SMG6: variants seen among roughly 807,000 people sequenced by gnomAD.
SMG6 encodes telomerase-binding protein EST1A.
In SMG6, 66 loss-of-function variants were observed where a neutral mutation model predicts 142.2. That is an observed-to-expected ratio of 0.46 (90% CI 0.38 to 0.57). SMG6 has a LOEUF of 0.57. SMG6 is among the 20% of genes least tolerant of loss of function. The pLI, the probability that SMG6 is intolerant of heterozygous loss-of-function variation, is 0.00. For missense variants in SMG6, 1,793 were observed against 1,832.0 expected (o/e 0.98, Z 0.39); for synonymous variants, 779 against 702.4 (o/e 1.11, Z -1.72).
chr17:2,281,437 T>G (rs1380568624), intron 8 of SMG6, among the ~76,000 whole-genome samples: 1 of 152,170 alleles, frequency 6.6e-6, no homozygotes, highest in African/African-American at 2.4e-5. Context: ...CCTTGACTCT[T>G]TCTTCTCCCT....
chr17:2,269,917 G>A (rs2074509887), intron 8 of SMG6, among the ~76,000 whole-genome samples: 2 of 151,986 alleles, frequency 1.3e-5, no homozygotes, highest in Admixed American at 1.3e-4. Flanking sequence ...TAATCCTAGT[G>A]CTTTGGGAGG....
intron 8 of SMG6, among the ~76,000 whole-genome samples, chr17:2,274,516 T>C (rs965705067): frequency 6.6e-6 from 1 of 152,014 alleles, no homozygotes; most frequent in Non-Finnish European, 1.5e-5. Flanking sequence ...GTAAACAAAA[T>C]CATTTGTTGG....
At chr17:2,254,183 G>A (rs575421434) in intron 8 of SMG6, among the ~76,000 whole-genome samples, 4 of 152,320 alleles carry the variant, frequency 2.6e-5, no homozygotes, top group African/African-American at 9.6e-5. Flanking sequence ...GAACTCTCAT[G>A]CCCATCCACC....
chr17:2,086,438 GT>G (rs2068563099), intron 13 of SMG6, among the ~76,000 whole-genome samples: 1 of 152,176 alleles, frequency 6.6e-6, no homozygotes, highest in South Asian at 2.1e-4. Flanking sequence ...CCCCTGACAG[GT>G]TCCTGCCCTA....
intron 6 of SMG6, among the ~76,000 whole-genome samples, chr17:2,286,035 C>T (rs1429858623): frequency 6.6e-6 from 1 of 151,970 alleles, no homozygotes; most frequent in Non-Finnish European, 1.5e-5. Flanking sequence ...ATTCCTTTTG[C>T]AAAAGCATCA....
At chr17:2,208,121 C>G (rs982263334) in intron 10 of SMG6, among the ~76,000 whole-genome samples, 3 of 151,918 alleles carry the variant, frequency 2.0e-5, no homozygotes, top group African/African-American at 7.3e-5. Context: ...AGAGGGAGAC[C>G]GTGTCTCTCT....
chr17:2,120,714 C>G (rs77875220), intron 13 of SMG6, among the ~76,000 whole-genome samples: 1 of 152,020 alleles, frequency 6.6e-6, no homozygotes, highest in East Asian at 1.9e-4. Flanking sequence ...TAGAGCAAGA[C>G]CCTGTCTGAA....
intron 10 of SMG6, among the ~76,000 whole-genome samples, chr17:2,190,969 A>G (rs946269148): frequency 6.6e-6 from 1 of 152,184 alleles, no homozygotes; most frequent in Non-Finnish European, 1.5e-5. Flanking sequence ...CTGACTGGCC[A>G]TGTTACCTAG....
At chr17:2,242,356 C>CAAAAAAAAAAAAA (rs57062488) in intron 9 of SMG6, among the ~76,000 whole-genome samples, 1 of 73,512 alleles carries the variant, frequency 1.4e-5, no homozygotes. Context: ...ACTGAAGATA[C>CAAAAAAAAAAAAA]AAAAAAAAAA....
intron 13 of SMG6, among the ~76,000 whole-genome samples, chr17:2,161,250 G>A (rs983500891): frequency 4.0e-5 from 6 of 151,526 alleles, no homozygotes; most frequent in South Asian, 4.2e-4. Flanking sequence ...GATTACAGGC[G>A]TGCATCACCA....
intron 13 of SMG6, among the ~76,000 whole-genome samples, chr17:2,112,907 G>A (rs1024588695): frequency 2.6e-5 from 4 of 151,446 alleles, no homozygotes; most frequent in African/African-American, 9.7e-5. Flanking sequence ...ACAGACATGC[G>A]TCACCATGCC....
At chr17:2,295,658 T>C (rs2075129049) in intron 4 of SMG6, among the ~76,000 whole-genome samples, 1 of 152,000 alleles carries the variant, frequency 6.6e-6, no homozygotes, top group African/African-American at 2.4e-5. Flanking sequence ...TGGCCAGCCT[T>C]CCCAGTACCC....
chr17:2,275,792 A>C (rs2151367090), intron 8 of SMG6, among the ~76,000 whole-genome samples: 1 of 152,278 alleles, frequency 6.6e-6, no homozygotes, highest in South Asian at 2.1e-4. Flanking sequence ...GGAAGAGTTG[A>C]AATGTGAATC....
chr17:2,202,782 T>G lies in SMG6; in HGVS notation c.2870-14267A>C, dbSNP rs551947082. On this transcript the variant is annotated intron_variant, in intron 10 of 18. Transcript: ENST00000263073. ...TAACCTGCTTTATGAACAAAGAAAC[T>G]CAACCTCAGAGACGGTAAGTAAACT... Among the ~76,000 whole-genome samples the G allele has an allele frequency of 7.2e-5, 11 of 152,270 alleles. No individual in the cohort carries two copies. The East Asian group carries it at 2.1e-3, about 29-fold the overall frequency.
intron 1 of SMG6, chr17:2,303,182 A>T: frequency 1.0e-6 from 1 of 985,444 alleles, no homozygotes; most frequent in East Asian, 1.1e-4. Context: ...TTCAGCAACG[A>T]AGTCGCAGGC....
chr17:2,069,715 T>C (rs2068048081), intron 15 of SMG6, among the ~76,000 whole-genome samples: 1 of 152,244 alleles, frequency 6.6e-6, no homozygotes, highest in South Asian at 2.1e-4. Context: ...CCGAAGTCCG[T>C]GCAATGTGAT....
chr17:2,172,625 C>A (rs371717868), intron 13 of SMG6, 33 bp downstream of exon 13: 4 of 1,606,250 alleles, frequency 2.5e-6, no homozygotes, highest in African/African-American at 1.3e-5. Flanking sequence ...AGAGGAGGGG[C>A]GAATGGGGAG....
chr17:2,190,090 A>G (rs1471570859), intron 10 of SMG6, among the ~76,000 whole-genome samples: 1 of 152,182 alleles, frequency 6.6e-6, no homozygotes, highest in African/African-American at 2.4e-5. Flanking sequence ...AAAGGGGGAG[A>G]TATGTAAGTT....
intron 6 of SMG6, among the ~76,000 whole-genome samples, chr17:2,289,386 G>A (rs1340300840): frequency 1.3e-5 from 2 of 151,880 alleles, no homozygotes; most frequent in Non-Finnish European, 2.9e-5. Flanking sequence ...GTGAGATCCT[G>A]TCTATACAAA....
Sources: allele counts gnomAD v4.1 joint callset (sites outside exome capture counted in the v4.1 genomes callset), GRCh38; gene constraint gnomAD v4.1.1; transcripts MANE v1.5; gene names NCBI Gene and HGNC (gene_info 2026-07-23, HGNC 2026-07-21).